The following RAPGEF4 variants were observed in gnomAD, a reference collection of about 807,000 sequenced individuals.
RAPGEF4 encodes the protein RAP guanine-nucleotide-exchange factor (GEF) 4.
In RAPGEF4, 66 loss-of-function variants were observed where a neutral mutation model predicts 147.9. The observed-to-expected ratio is 0.45, with a 90% confidence interval of 0.37 to 0.55. RAPGEF4 has a LOEUF of 0.55. RAPGEF4 is among the 20% of genes least tolerant of loss of function. The pLI is 0.00. For missense variants in RAPGEF4, 1,071 were observed against 1,257.3 expected (o/e 0.85, Z 2.24); for synonymous variants, 419 against 442.7 (o/e 0.95, Z 0.67).
At chr2:172,755,533 ACATGTGTGCACCAC>A (rs1695688658) in intron 1 of RAPGEF4, among the ~76,000 whole-genome samples, 1 of 152,104 alleles carries the variant, frequency 6.6e-6, no homozygotes, top group African/African-American at 2.4e-5. Context: ...AGCTGGGATT[ACATGTGTGCACCAC>A]CACGCCCAGC....
intron 4 of RAPGEF4, among the ~76,000 whole-genome samples, chr2:172,915,211 G>A (rs1166601519): frequency 6.6e-6 from 1 of 152,140 alleles, no homozygotes; most frequent in Non-Finnish European, 1.5e-5. Context: ...TGGAACCCAT[G>A]TTGTCTTATT....
chr2:172,795,732 G>GA (rs889742420), intron 2 of RAPGEF4, among the ~76,000 whole-genome samples: 3 of 151,384 alleles, frequency 2.0e-5, no homozygotes, highest in Admixed American at 6.6e-5. Context: ...TATACAAGAA[G>GA]AAAAAAAAAT....
At chr2:173,050,896 C>T (rs531918055) in intron 30 of RAPGEF4, among the ~76,000 whole-genome samples, 9 of 152,222 alleles carry the variant, frequency 5.9e-5, no homozygotes, top group Non-Finnish European at 1.0e-4. Context: ...TTTCCTTATT[C>T]ATGTATGTTC....
chr2:172,742,370 G>A (rs538764771), intron 1 of RAPGEF4, among the ~76,000 whole-genome samples: 5 of 151,980 alleles, frequency 3.3e-5, no homozygotes, highest in East Asian at 1.9e-4. Flanking sequence ...GAAGAAACTG[G>A]GTTGTTGTTG....
Position 172,915,526 on chromosome 2 carries a change from ACT to A in RAPGEF4, c.445-2273_445-2272del, listed in dbSNP as rs1055523285. Among the ~76,000 whole-genome samples the A allele has an allele frequency of 9.9e-5, 15 of 151,458 alleles. 1 individual carries two copies. Among genetic ancestry groups the A allele is most frequent in the African/African-American group, 3.4e-4 (14 of 41,148 alleles). On this transcript the variant is annotated intron_variant, in intron 4 of 30. Coordinates refer to ENST00000397081, the MANE Select transcript of RAPGEF4 (RefSeq NM_007023.4). ...ACACCAGCCTAGACAACATGACGAA[ACT>A]CTGTTTCTCCAAAAAAAAAAATTAG... is the stretch of plus-strand genomic sequence containing the variant.
intron 1 of RAPGEF4, among the ~76,000 whole-genome samples, chr2:172,794,316 C>T (rs1006499199): frequency 7.5e-6 from 1 of 133,606 alleles, no homozygotes; most frequent in Non-Finnish European, 1.5e-5. Flanking sequence ...CATTGCACTC[C>T]AGCCTGGGCA....
rs567918146 is a variant in RAPGEF4, at chr2:172,848,014, T to A, written c.444+33589T>A. 2.6e-4 allele frequency among the ~76,000 whole-genome samples: 39 copies of A among 152,304 alleles called. 1 individual carries two copies. The highest frequency in any genetic ancestry group is 8.4e-4 in the African/African-American group (35 of 41,578). On this transcript the variant is annotated intron_variant, in intron 4 of 30. Coordinates refer to ENST00000397081, the MANE Select transcript of RAPGEF4 (RefSeq NM_007023.4). ...TCCCAACTCCTTACAGAAGGACTCT[T>A]AATCTCTGGGGCGGGCAGTAGCTTT...
At chr2:172,847,920 A>T (rs925081082) in intron 4 of RAPGEF4, among the ~76,000 whole-genome samples, 1 of 152,104 alleles carries the variant, frequency 6.6e-6, no homozygotes, top group African/African-American at 2.4e-5. Flanking sequence ...GTGGTCCATC[A>T]TACACAATTA....
chr2:172,891,781 A>G (rs1208877483), intron 4 of RAPGEF4, among the ~76,000 whole-genome samples: 1 of 152,262 alleles, frequency 6.6e-6, no homozygotes, highest in African/African-American at 2.4e-5. Flanking sequence ...TTCTGATGAC[A>G]TAAATACAAG....
intron 6 of RAPGEF4, among the ~76,000 whole-genome samples, chr2:172,934,292 G>A (rs1429256904): frequency 6.6e-6 from 1 of 151,588 alleles, no homozygotes; most frequent in Non-Finnish European, 1.5e-5. Flanking sequence ...TGGGATTACA[G>A]GCACCTACCA....
chr2:172,915,358 G>A (rs6758260), intron 4 of RAPGEF4, among the ~76,000 whole-genome samples: 20,232 of 152,120 alleles, frequency 0.13, 1,593 homozygotes, highest in Middle Eastern at 0.24. Context: ...TTGGGAAAAA[G>A]GAGTCTTTAT....
At chr2:172,858,609 C>A (rs2149766997) in intron 4 of RAPGEF4, among the ~76,000 whole-genome samples, 1 of 152,368 alleles carries the variant, frequency 6.6e-6, no homozygotes, top group East Asian at 1.9e-4. Flanking sequence ...ATTTGGCTTT[C>A]AGCCTAAGAG....
At chr2:172,820,534 A>G (rs539385596) in intron 4 of RAPGEF4, among the ~76,000 whole-genome samples, 3 of 152,340 alleles carry the variant, frequency 2.0e-5, no homozygotes. Context: ...ATTTTATTCC[A>G]ACCAGGGCAA....
chr2:172,790,036 A>G (rs975854162), intron 1 of RAPGEF4, among the ~76,000 whole-genome samples: 1 of 152,216 alleles, frequency 6.6e-6, no homozygotes, highest in Non-Finnish European at 1.5e-5. Flanking sequence ...AGGAATCTCT[A>G]AACTGATTTT....
At chr2:172,841,785 C>T (rs115708191) in intron 4 of RAPGEF4, among the ~76,000 whole-genome samples, 1 of 134,072 alleles carries the variant, frequency 7.5e-6, no homozygotes, top group African/African-American at 2.8e-5. Flanking sequence ...TACATGTTGG[C>T]TGAATAACAC....
At chr2:173,015,286 G>A (rs6727278) in intron 18 of RAPGEF4, among the ~76,000 whole-genome samples, 3,795 of 152,196 alleles carry the variant, frequency 0.025, 147 homozygotes, top group African/African-American at 0.086. Flanking sequence ...GTTCCTTCCC[G>A]TAGCTCTAGC....
At chr2:172,929,942 A>G (rs1203930565) in intron 6 of RAPGEF4, among the ~76,000 whole-genome samples, 2 of 152,228 alleles carry the variant, frequency 1.3e-5, no homozygotes, top group Non-Finnish European at 2.9e-5. Flanking sequence ...CAGAAGGAGA[A>G]TAATAGTAGC....
chr2:172,755,658 A>T (rs1317042724), intron 1 of RAPGEF4, among the ~76,000 whole-genome samples: 1 of 152,170 alleles, frequency 6.6e-6, no homozygotes, highest in East Asian at 1.9e-4. Context: ...GGCCTCCCAA[A>T]GTGCTGGGAT....
chr2:173,023,202 C>T (rs747495671), intron 23 of RAPGEF4, among the ~76,000 whole-genome samples: 2 of 152,214 alleles, frequency 1.3e-5, no homozygotes, highest in African/African-American at 4.8e-5. Flanking sequence ...ACAATCCACA[C>T]ATCCCTTTTA....
Sources: allele counts gnomAD v4.1 joint callset (sites outside exome capture counted in the v4.1 genomes callset), GRCh38; gene constraint gnomAD v4.1.1; transcripts MANE v1.5; gene names NCBI Gene and HGNC (gene_info 2026-07-23, HGNC 2026-07-21).